The following RABGAP1 variants were observed in gnomAD, a reference collection of about 807,000 sequenced individuals.
RABGAP1 encodes the protein rab GTPase-activating protein 1.
A neutral mutation model predicts 137.6 loss-of-function variants in RABGAP1; 23 were observed. The ratio of observed to expected loss-of-function variants is 0.17; its 90% confidence interval spans 0.12 to 0.24. The LOEUF is 0.24. Ranked by LOEUF, RABGAP1 falls within the 10% of genes least tolerant of loss-of-function variation. RABGAP1 has a pLI of 1.00. For synonymous variants in RABGAP1, 451 were observed against 450.7 expected (o/e 1.00, Z -0.01); for missense variants, 906 against 1,275.8 (o/e 0.71, Z 4.42).
In RABGAP1 at chr9:123,091,047, A is replaced by G. The variant is rs142647702; in HGVS notation, c.2628+662A>G. Among the ~76,000 whole-genome samples the G allele has an allele frequency of 2.2e-4, 33 of 152,362 alleles. No individual in the cohort carries two copies. The East Asian group carries it at 4.8e-3, about 22-fold the overall frequency. On this transcript the variant is annotated intron_variant, in intron 21 of 25. Coordinates refer to ENST00000373647, the MANE Select transcript of RABGAP1 (RefSeq NM_012197.4). ...TGAGGCTTATGGCCCTACAGTCTACATTGCTACTACTTAGCAAAAGCAGAC... is the reference window on the plus strand; with the variant it reads ...TGAGGCTTATGGCCCTACAGTCTACGTTGCTACTACTTAGCAAAAGCAGAC...
intron 13 of RABGAP1, 97 bp downstream of exon 13, chr9:123,020,556 T>C: frequency 2.5e-6 from 3 of 1,181,056 alleles, no homozygotes; most frequent in Non-Finnish European, 3.3e-6. Flanking sequence ...GTGTTTATTA[T>C]TAATTTATTT....
In RABGAP1 at chr9:123,023,973, A is replaced by G. The variant is rs567716395; in HGVS notation, c.1794+3514A>G. ...GATCAAAAAAATTAACCTGGCAAACAAAACTGATTAATGTCTTTGTCATCA... is the reference window on the plus strand; with the variant it reads ...GATCAAAAAAATTAACCTGGCAAACGAAACTGATTAATGTCTTTGTCATCA... On this transcript the variant is annotated intron_variant, in intron 13 of 25. Coordinates refer to ENST00000373647, the MANE Select transcript of RABGAP1 (RefSeq NM_012197.4). 1.3e-4 allele frequency among the ~76,000 whole-genome samples: 20 copies of G among 152,298 alleles called. 1 individual carries two copies. In the South Asian group the frequency reaches 3.9e-3, roughly 30 times the overall value.
intron 1 of RABGAP1, among the ~76,000 whole-genome samples, chr9:122,947,912 G>C (rs1834025452): frequency 6.6e-6 from 1 of 152,118 alleles, no homozygotes; most frequent in Non-Finnish European, 1.5e-5. Flanking sequence ...TGGTGGAAAG[G>C]AATTTATTTT....
intron 22 of RABGAP1, 57 bp from the exon 23 acceptor site, chr9:123,098,658 C>A: frequency 1.3e-6 from 2 of 1,507,594 alleles, no homozygotes; most frequent in Admixed American, 1.8e-5. Context: ...CGGTTGGTGG[C>A]AGAACTTCCT....
intron 1 of RABGAP1, among the ~76,000 whole-genome samples, chr9:122,944,296 C>A (rs943043770): frequency 2.0e-5 from 3 of 149,534 alleles, no homozygotes; most frequent in Non-Finnish European, 3.0e-5. Flanking sequence ...GTAGTGCTGT[C>A]GTAGCTCACC....
intron 9 of RABGAP1, among the ~76,000 whole-genome samples, chr9:122,997,617 C>T (rs766006006): frequency 3.3e-5 from 5 of 151,854 alleles, no homozygotes; most frequent in Non-Finnish European, 7.4e-5. Flanking sequence ...TATTTACTTA[C>T]AGACTTATAA....
At chr9:122,973,268 C>T (rs1479237004) in intron 2 of RABGAP1, among the ~76,000 whole-genome samples, 2 of 152,062 alleles carry the variant, frequency 1.3e-5, no homozygotes, top group South Asian at 4.1e-4. Flanking sequence ...GACGGAGTCT[C>T]GCTCTGCTGC....
chr9:123,047,181 G>A (rs2033242635), intron 13 of RABGAP1, among the ~76,000 whole-genome samples: 1 of 152,182 alleles, frequency 6.6e-6, no homozygotes, highest in South Asian at 2.1e-4. Flanking sequence ...TCAGCCAAAC[G>A]AGTTAAGATT....
chr9:123,042,563 C>T (rs1340473508), intron 13 of RABGAP1, among the ~76,000 whole-genome samples: 3 of 152,154 alleles, frequency 2.0e-5, no homozygotes, highest in Non-Finnish European at 2.9e-5. Flanking sequence ...CAAGAAAGAA[C>T]TCTTGCAATT....
At chr9:122,935,975 G>A (rs541807442), upstream of RABGAP1, among the ~76,000 whole-genome samples, 27 of 151,486 alleles carry the variant, frequency 1.8e-4, no homozygotes, top group African/African-American at 5.6e-4. Flanking sequence ...TCTTTCTTTC[G>A]AGCCTCTGAG....
At chr9:123,073,530 A>G (rs375229358) in intron 15 of RABGAP1, 22 bp from the exon 16 acceptor site, 15 of 1,602,318 alleles carry the variant, frequency 9.4e-6, no homozygotes, top group African/African-American at 2.7e-5. Context: ...TCCCTACCCA[A>G]CAACTTGCCT....
chr9:123,029,501 C>CT (rs2032179901), intron 13 of RABGAP1: 2 of 1,001,780 alleles, frequency 2.0e-6, no homozygotes, highest in South Asian at 2.5e-5. Context: ...AAGGGCTGCC[C>CT]TGGCCAGGGA....
At chr9:123,033,820 A>G (rs535155278) in intron 13 of RABGAP1, 1 of 152,410 alleles carries the variant, frequency 6.6e-6, no homozygotes, top group African/African-American at 2.4e-5. Flanking sequence ...ATTGGAATCA[A>G]TGAAGAAAGT....
chr9:123,001,855 T>A (rs989441492), intron 10 of RABGAP1, among the ~76,000 whole-genome samples: 2 of 152,202 alleles, frequency 1.3e-5, no homozygotes, highest in Non-Finnish European at 2.9e-5. Flanking sequence ...TTGAGAAGGA[T>A]TATACAACCT....
chr9:122,984,357 A>C, intron 2 of RABGAP1, 128 bp from the exon 3 acceptor site: 1 of 802,762 alleles, frequency 1.2e-6, no homozygotes, highest in Non-Finnish European at 1.9e-6. Flanking sequence ...TATTTTTAAA[A>C]AAAACATTCA....
At chr9:122,998,971 T>A (rs978946229) in intron 10 of RABGAP1, among the ~76,000 whole-genome samples, 3 of 152,140 alleles carry the variant, frequency 2.0e-5, no homozygotes, top group Admixed American at 6.5e-5. Context: ...TTCCATTTGG[T>A]CTCATTTACT....
chr9:123,040,909 A>G (rs1282711803), intron 13 of RABGAP1, among the ~76,000 whole-genome samples: 1 of 152,154 alleles, frequency 6.6e-6, no homozygotes, highest in Non-Finnish European at 1.5e-5. Context: ...GTTATTTTGC[A>G]GAGGAGAAAC....
chr9:123,087,209 A>G (rs898473079), intron 19 of RABGAP1, among the ~76,000 whole-genome samples: 1 of 152,250 alleles, frequency 6.6e-6, no homozygotes, highest in Non-Finnish European at 1.5e-5. Context: ...TATAGAAGAC[A>G]TTGTTTTGTA....
intron 21 of RABGAP1, among the ~76,000 whole-genome samples, chr9:123,094,330 C>T (rs1159474957): frequency 6.6e-6 from 1 of 152,072 alleles, no homozygotes; most frequent in African/African-American, 2.4e-5. Context: ...GTAGGTTTTT[C>T]GTAGAGTAGG....
Sources: gnomAD v4.1 joint callset for allele counts (sites outside exome capture counted in the v4.1 genomes callset) on GRCh38, gnomAD v4.1.1 for gene constraint, MANE v1.5 for transcripts, NCBI Gene and HGNC (gene_info 2026-07-23, HGNC 2026-07-21) for gene names.